The following PSMG2 variants were observed in gnomAD, a reference collection of about 807,000 sequenced individuals.
The protein encoded by PSMG2 is CD40 ligand-activated specific transcript 3.
PSMG2 carries 21 observed loss-of-function variants against 31.5 expected under a neutral mutation model. The observed-to-expected ratio is 0.67, with a 90% confidence interval of 0.47 to 0.96. The LOEUF is 0.96. PSMG2 is among the 40% of genes least tolerant of loss of function. The pLI, the probability that PSMG2 is intolerant of heterozygous loss-of-function variation, is 0.00. For missense variants in PSMG2, 318 were observed against 321.2 expected (o/e 0.99, Z 0.08); for synonymous variants, 120 against 110.4 (o/e 1.09, Z -0.54).
At chr18:12,672,928 T>C (rs2038984275) in intron 1 of PSMG2, 2 of 983,190 alleles carry the variant, frequency 2.0e-6, no homozygotes, top group African/African-American at 3.5e-5. Flanking sequence ...AATAAATCTG[T>C]CATGAGGTTA....
upstream of PSMG2, among the ~76,000 whole-genome samples, chr18:12,698,241 T>C (rs2040028545): frequency 6.6e-6 from 1 of 152,024 alleles, no homozygotes; most frequent in African/African-American, 2.4e-5. Flanking sequence ...CATTTATTTA[T>C]TTATTTAAAC....
intron 2 of PSMG2, among the ~76,000 whole-genome samples, chr18:12,711,340 A>G (rs2040329226): frequency 6.6e-6 from 1 of 152,144 alleles, no homozygotes; most frequent in South Asian, 2.1e-4. Context: ...GGTAGCTTAC[A>G]TTTTAAAAAG....
chr18:12,668,734 CTTTTTTTTTT>C lies in PSMG2; in HGVS notation c.-37+9974_-37+9983del, dbSNP rs543253434. 1.1e-4 allele frequency among the ~76,000 whole-genome samples: 11 copies of C among 96,644 alleles called. No individual in the cohort carries two copies. The South Asian group carries it at 1.7e-3, about 15-fold the overall frequency. 63.4% of individuals were successfully genotyped at this position (96,644 alleles called of 152,430 possible). On this transcript the variant is annotated intron_variant, in intron 1 of 6. Coordinates refer to the PSMG2 transcript ENST00000585331. ...CTACCTAGCAAGATACACTTTATTCCTTTTTTTTTTTTTTTTTTTTTTGAGACAGAGTCTT... is the reference window on the plus strand; with the variant it reads ...CTACCTAGCAAGATACACTTTATTCCTTTTTTTTTTTTGAGACAGAGTCTT...
chr18:12,702,648 A>C, upstream of PSMG2: 4 of 1,340,466 alleles, frequency 3.0e-6, no homozygotes, highest in Non-Finnish European at 4.0e-6. Context: ...CTGGAGCACA[A>C]AGCGCCGCAG....
rs569794766 is a variant in PSMG2 at position 12,659,129 on chromosome 18, T to A, written c.-37+356T>A. On this transcript the variant is annotated intron_variant, in intron 1 of 6. Transcript: ENST00000585331. ...TAAAATTCCACTGAGGCTAGTCCTG[T>A]GTGAAAGCCCTACAGAGTGTTGAAA... is the stretch of plus-strand genomic sequence containing the variant. Among the ~76,000 whole-genome samples, 7 of 152,348 alleles carry A rather than the reference T, an allele frequency of 4.6e-5. No homozygotes were observed. The South Asian group carries it at 1.4e-3, about 32-fold the overall frequency.
chr18:12,712,558 C>T, intron 2 of PSMG2, 144 bp from the exon 3 acceptor site: 1 of 569,668 alleles, frequency 1.8e-6, no homozygotes. Context: ...CTTATTTTAA[C>T]CAGATGTCAT....
intron 1 of PSMG2, chr18:12,684,891 A>G (rs1440092248): frequency 6.6e-6 from 1 of 152,214 alleles, no homozygotes; most frequent in Non-Finnish European, 1.5e-5. Context: ...AGTCATTCAA[A>G]AAGTGTAATT....
chr18:12,716,113 A>G (rs2040374024), intron 3 of PSMG2, among the ~76,000 whole-genome samples: 1 of 152,206 alleles, frequency 6.6e-6, no homozygotes, highest in South Asian at 2.1e-4. Context: ...GTTAAGTTGT[A>G]TACATAAGCC....
At chr18:12,681,388 AGGTGTGCACCAT>A (rs796147553) in intron 1 of PSMG2, among the ~76,000 whole-genome samples, 44 of 151,798 alleles carry the variant, frequency 2.9e-4, no homozygotes, top group African/African-American at 1.0e-3. Flanking sequence ...CTGGGACTAA[AGGTGTGCACCAT>A]GACACCTAGC....
chr18:12,677,655 C>G (rs539130011), intron 1 of PSMG2, among the ~76,000 whole-genome samples: 1 of 151,930 alleles, frequency 6.6e-6, no homozygotes, highest in Non-Finnish European at 1.5e-5. Flanking sequence ...GATGATGTTT[C>G]ACCATATTCC....
chr18:12,708,556 GT>G (rs2145135528), intron 2 of PSMG2, among the ~76,000 whole-genome samples: 1 of 151,202 alleles, frequency 6.6e-6, no homozygotes, highest in South Asian at 2.1e-4. Flanking sequence ...TAGAGACGGA[GT>G]TTCTCCATGT....
At position 12,718,593 on chromosome 18, in the gene PSMG2, C is replaced by A. The variant is rs1296295357; in HGVS notation, c.365C>A (p.Ser122Ter). The A allele has an allele frequency of 1.9e-6, 3 of 1,612,326 alleles. No homozygotes were observed. Among genetic ancestry groups the A allele is most frequent in the Non-Finnish European group, 2.5e-6 (3 of 1,178,938 alleles). The change falls in exon 4 of 7, where the codon TCA (serine) becomes TAA (stop). Residue 122 changes from serine to a stop codon, truncating the protein, a stop_gained. Transcript: ENST00000317615. LOFTEE classifies it high-confidence loss of function. ...SSGCARVIVLSSSHSYQRNDL... is the reference protein window; with the variant it reads ...SSGCARVIVL Reference sequence around the variant, plus strand: ...GGCTGTGCCAGAGTCATTGTTCTTTCAAGCAGTCATTCATATCAGCGTAAT... The same window carrying A: ...GGCTGTGCCAGAGTCATTGTTCTTTAAAGCAGTCATTCATATCAGCGTAAT...
intron 1 of PSMG2, among the ~76,000 whole-genome samples, chr18:12,704,409 A>G (rs545772689): frequency 7.4e-4 from 113 of 152,216 alleles, no homozygotes; most frequent in Admixed American, 1.4e-3. Flanking sequence ...CGACATAGTG[A>G]TACCTCATCT....
intron 1 of PSMG2, chr18:12,661,982 T>G (rs1409291692): frequency 3.9e-6 from 1 of 255,102 alleles, no homozygotes; most frequent in Non-Finnish European, 8.0e-6. Context: ...TTTTGTTACT[T>G]TATTAAAAAT....
At chr18:12,686,480 G>A (rs751041826) in intron 1 of PSMG2, 2 of 1,478,906 alleles carry the variant, frequency 1.4e-6, no homozygotes, top group East Asian at 2.3e-5. Context: ...CATCTGTAAT[G>A]ACATATTAAT....
chr18:12,697,195 G>T (rs756934583), intron 1 of PSMG2: 1 of 1,452,804 alleles, frequency 6.9e-7, no homozygotes, highest in South Asian at 1.3e-5. Context: ...CTATAAAAAG[G>T]TTAACAATGA....
At chr18:12,709,458 C>G (rs2145136826) in intron 2 of PSMG2, among the ~76,000 whole-genome samples, 1 of 151,934 alleles carries the variant, frequency 6.6e-6, no homozygotes, top group Non-Finnish European at 1.5e-5. Flanking sequence ...TCCCAAGAAG[C>G]TGGGATTGTA....
upstream of PSMG2, chr18:12,699,875 G>A (rs960105683): frequency 1.3e-6 from 2 of 1,596,988 alleles, no homozygotes; most frequent in Middle Eastern, 1.7e-4. Flanking sequence ...GGTTGTTTTG[G>A]AGAGGAAGGG....
chr18:12,697,040 T>C (rs892042515), intron 1 of PSMG2, among the ~76,000 whole-genome samples: 1 of 152,210 alleles, frequency 6.6e-6, no homozygotes, highest in Non-Finnish European at 1.5e-5. Context: ...TGAAGTGCTA[T>C]ACTGATATTA....
Sources: allele counts gnomAD v4.1 joint callset (sites outside exome capture counted in the v4.1 genomes callset), GRCh38; gene constraint gnomAD v4.1.1; transcripts MANE v1.5; gene names NCBI Gene and HGNC (gene_info 2026-07-23, HGNC 2026-07-21).